PABPC4L: variants seen among roughly 807,000 people sequenced by gnomAD.
PABPC4L encodes the protein polyadenylate-binding protein 4-like.
For synonymous variants in PABPC4L, 169 were observed against 164.1 expected (o/e 1.03, Z -0.23); for missense variants, 452 against 451.4 (o/e 1.00, Z -0.01).
chr4:134,059,507 AAG>A, the PABPC4L span, among the ~76,000 whole-genome samples: 2 of 151,064 alleles, frequency 1.3e-5, no homozygotes, highest in Non-Finnish European at 3.0e-5. Context: ...TATTCTCAGA[AAG>A]AAAATACTTA....
the PABPC4L span, among the ~76,000 whole-genome samples, chr4:134,136,733 A>G: frequency 6.6e-6 from 1 of 152,060 alleles, no homozygotes. Context: ...GACTATGATC[A>G]TCTCAAGCCT....
the PABPC4L span, among the ~76,000 whole-genome samples, chr4:134,007,637 A>G: frequency 6.6e-6 from 1 of 151,694 alleles, no homozygotes; most frequent in Non-Finnish European, 1.5e-5. Context: ...TAAGTAAAAT[A>G]ATCTGAGCCC....
chr4:133,953,476 T>G, the PABPC4L span, among the ~76,000 whole-genome samples: 1 of 152,192 alleles, frequency 6.6e-6, no homozygotes, highest in Non-Finnish European at 1.5e-5. Context: ...AGTTACAAAA[T>G]TAACATTTAA....
chr4:134,032,391 G>A, the PABPC4L span, among the ~76,000 whole-genome samples: 1 of 151,746 alleles, frequency 6.6e-6, no homozygotes, highest in Non-Finnish European at 1.5e-5. Context: ...GAATTGTGAT[G>A]GAAGAAACAA....
At chr4:134,022,777 T>A in the PABPC4L span, among the ~76,000 whole-genome samples, 3 of 152,012 alleles carry the variant, frequency 2.0e-5, no homozygotes, top group Non-Finnish European at 2.9e-5. Flanking sequence ...TCTATGCTTT[T>A]CCCGGGGCAT....
At chr4:133,950,315 C>G in the PABPC4L span, among the ~76,000 whole-genome samples, 28 of 152,044 alleles carry the variant, frequency 1.8e-4, no homozygotes, top group Non-Finnish European at 1.5e-5. Context: ...CTTTAGTCTC[C>G]CTTTTATTGG....
chr4:134,174,940 T>C, the PABPC4L span, among the ~76,000 whole-genome samples: 1 of 152,164 alleles, frequency 6.6e-6, no homozygotes, highest in African/African-American at 2.4e-5. Context: ...TCATGTTTCC[T>C]ACGTCTGTCC....
the PABPC4L span, among the ~76,000 whole-genome samples, chr4:134,131,714 C>CAAAA: frequency 0.022 from 234 of 10,682 alleles, 71 homozygotes; most frequent in African/African-American, 0.03. Flanking sequence ...CCTGTGAAAC[C>CAAAA]AAAAAAAAAA....
At chr4:134,147,519 T>C in the PABPC4L span, among the ~76,000 whole-genome samples, 10 of 152,274 alleles carry the variant, frequency 6.6e-5, no homozygotes, top group Admixed American at 2.6e-4. Flanking sequence ...AGGGGTTTAT[T>C]ATATAGGAGA....
chr4:134,013,775 C>T, the PABPC4L span, among the ~76,000 whole-genome samples: 2 of 151,968 alleles, frequency 1.3e-5, no homozygotes, highest in South Asian at 2.1e-4. Flanking sequence ...CCAAGTGTCA[C>T]TAAGTCTTTC....
At chr4:133,982,208 G>A in the PABPC4L span, among the ~76,000 whole-genome samples, 2 of 151,974 alleles carry the variant, frequency 1.3e-5, no homozygotes, top group Non-Finnish European at 2.9e-5. Context: ...TGAAGCAAAT[G>A]GAGAAGGTAA....
At chr4:134,070,077 C>G in the PABPC4L span, among the ~76,000 whole-genome samples, 1 of 145,398 alleles carries the variant, frequency 6.9e-6, no homozygotes, top group African/African-American at 2.5e-5. Context: ...CATTTCCAGA[C>G]ATTTTTAGGG....
chr4:134,143,014 G>A, the PABPC4L span, among the ~76,000 whole-genome samples: 1 of 151,336 alleles, frequency 6.6e-6, no homozygotes, highest in Non-Finnish European at 1.5e-5. Flanking sequence ...TTTTGGCACA[G>A]TTCACTGAAC....
chr4:134,124,004 G>A, the PABPC4L span, among the ~76,000 whole-genome samples: 1 of 152,060 alleles, frequency 6.6e-6, no homozygotes, highest in Admixed American at 6.6e-5. Flanking sequence ...TTGACCTTAT[G>A]TTAGGTGATT....
At chr4:133,953,968 G>C in the PABPC4L span, among the ~76,000 whole-genome samples, 1 of 152,346 alleles carries the variant, frequency 6.6e-6, no homozygotes, top group Non-Finnish European at 1.5e-5. Flanking sequence ...CTCAGTACTT[G>C]TTAAAGGCAC....
the PABPC4L span, among the ~76,000 whole-genome samples, chr4:134,139,450 A>G: frequency 6.6e-6 from 1 of 151,982 alleles, no homozygotes. Context: ...TGTGTCAACC[A>G]GCTTATAAGT....
At chr4:134,195,073 CTA>C (rs2126196020), downstream of PABPC4L, among the ~76,000 whole-genome samples, 1 of 151,758 alleles carries the variant, frequency 6.6e-6, no homozygotes, top group East Asian at 1.9e-4. Flanking sequence ...TGTATACAAA[CTA>C]TATATAAAAT....
At chr4:133,988,371 G>C in the PABPC4L span, among the ~76,000 whole-genome samples, 1 of 152,130 alleles carries the variant, frequency 6.6e-6, no homozygotes, top group Non-Finnish European at 1.5e-5. Flanking sequence ...TTAATTCCTG[G>C]ATACAATGAG....
At chr4:134,002,919 T>G in the PABPC4L span, among the ~76,000 whole-genome samples, 2 of 151,848 alleles carry the variant, frequency 1.3e-5, no homozygotes, top group South Asian at 4.1e-4. Flanking sequence ...CTATGGAACA[T>G]GAGGAGTCTA....
Sources: gnomAD v4.1 joint callset for allele counts (sites outside exome capture counted in the v4.1 genomes callset) on GRCh38, gnomAD v4.1.1 for gene constraint, MANE v1.5 for transcripts, NCBI Gene and HGNC (gene_info 2026-07-23, HGNC 2026-07-21) for gene names.